Variants in ZNF831 observed in about 807,000 individuals in gnomAD.
ZNF831 encodes the protein chromosome 20 open reading frame 174.
Under a neutral mutation model 95.8 loss-of-function variants are expected in ZNF831, and 59 were observed. That is an observed-to-expected ratio of 0.62 (90% CI 0.50 to 0.77). The LOEUF is 0.77. Among genes scored for constraint, ZNF831 ranks in the 30% least tolerant of loss-of-function variants. The pLI, the probability that ZNF831 is intolerant of heterozygous loss-of-function variation, is 0.00. For missense variants in ZNF831, 2,205 were observed against 2,164.0 expected, an observed-to-expected ratio of 1.02 and a Z score of -0.38; for synonymous variants, 961 against 925.5, an observed-to-expected ratio of 1.04 and a Z score of -0.70.
At chr20:59,179,340 C>A (rs979136189) in intron 1 of ZNF831, among the ~76,000 whole-genome samples, 2 of 152,198 alleles carry the variant, frequency 1.3e-5, no homozygotes, top group Admixed American at 1.3e-4. Context: ...CCTCCGCACC[C>A]ATCCGCTTCT....
chr20:59,221,983 T>C (rs537575061), intron 4 of ZNF831, among the ~76,000 whole-genome samples: 34 of 152,330 alleles, frequency 2.2e-4, no homozygotes, highest in Middle Eastern at 3.4e-3. Flanking sequence ...TTATTTTTTT[T>C]CCCCTACCTA....
rs1461079548 is a variant in ZNF831 at position 59,192,805 on chromosome 20, A to T, written c.1786A>T (p.Met596Leu). The T allele has an allele frequency of 3.1e-6, 5 of 1,611,818 alleles. No homozygotes were observed. In the African/African-American group the frequency reaches 6.7e-5, roughly 22 times the overall value. Residue 596 changes from methionine to leucine, a missense_variant, in exon 2 of 6, where the codon ATG (methionine) becomes TTG (leucine). Transcript: ENST00000371030. The surrounding 1 kb of genome is among the most constrained non-coding windows in gnomAD (Gnocchi z 5.2). ...DAKRTAAREA[M>L]AGKGRAGGRK... ...AAAGAGAACTGCTGCGCGGGAGGCCATGGCCGGCAAGGGCAGAGCGGGCGG... is the reference window on the plus strand; with the variant it reads ...AAAGAGAACTGCTGCGCGGGAGGCCTTGGCCGGCAAGGGCAGAGCGGGCGG...
intron 1 of ZNF831, among the ~76,000 whole-genome samples, chr20:59,126,445 T>C (rs185088511): frequency 6.6e-6 from 1 of 152,366 alleles, no homozygotes; most frequent in Admixed American, 6.5e-5. Context: ...TCTGAGGCTC[T>C]GTTCCTTAAC....
rs1482660998 is a variant in ZNF831 at position 59,258,727 on chromosome 20, G to A, written c.*3984G>A. 1.3e-5 allele frequency: 2 copies of A among 152,072 alleles called. No homozygotes were observed. Among genetic ancestry groups the A allele is most frequent in the East Asian group, 3.9e-4 (2 of 5,188 alleles). 9.4% of individuals were successfully genotyped at this position (152,072 alleles called of 1,614,324 possible). ...TCTCAATATTTAAGCACAATTTATT[G>A]TCCTTATTTTTCAGAACCCATTAAA... On this transcript the variant is annotated 3_prime_UTR_variant, in exon 6 of 6. Transcript: ENST00000371030.
chr20:59,187,815 CT>C (rs1434491429), intron 1 of ZNF831, among the ~76,000 whole-genome samples: 1 of 152,210 alleles, frequency 6.6e-6, no homozygotes, highest in Non-Finnish European at 1.5e-5. Context: ...CATTCTCCCC[CT>C]CCTCTGGCAA....
chr20:59,237,566 C>G (rs1233996135), intron 4 of ZNF831, among the ~76,000 whole-genome samples: 1 of 152,116 alleles, frequency 6.6e-6, no homozygotes, highest in African/African-American at 2.4e-5. Context: ...AGGCTGGTCT[C>G]GAGCTCTTGA....
chr20:59,193,254 G>A lies in ZNF831; in HGVS notation c.2235G>A (p.Arg745=), dbSNP rs773889136. The A allele has an allele frequency of 6.8e-6, 11 of 1,606,364 alleles. No homozygotes were observed. In the South Asian group the frequency reaches 7.8e-5, roughly 11 times the overall value. The change falls in exon 2 of 6, where the codon AGG becomes AGA. Residue 745 remains arginine (R), a synonymous_variant. Coordinates refer to ENST00000371030, the MANE Select transcript of ZNF831 (RefSeq NM_178457.3). ...GAGACAGTCCCTGTTCAGGCAGTAG[G>A]AGCCCCCTGGTCTCTCCAAATGGGA... is the stretch of plus-strand genomic sequence containing the variant. The part of the protein sequence containing the change: ...GGRDSPCSGS[R]SPLVSPNGRL...
chr20:59,146,770 G>A (rs1979890751), intron 2 of ZNF831: 1 of 152,232 alleles, frequency 6.6e-6, no homozygotes, highest in Non-Finnish European at 1.5e-5. Flanking sequence ...GCTTTGGGAA[G>A]CCTGTTTCCC....
Position 59,124,796 on chromosome 20 carries a change from C to T in ZNF831, c.-1425+1291C>T, listed in dbSNP as rs1378163722. On this transcript the variant is annotated intron_variant, in intron 1 of 7. Coordinates refer to the ZNF831 transcript ENST00000637017. ...ATAAAATGGCTCTTATCGCAGTGGG[C>T]TTGGCAGCCCGCCACTCCTCATCTT... Among the ~76,000 whole-genome samples the T allele has an allele frequency of 9.2e-5, 14 of 152,340 alleles. No individual in the cohort carries two copies. The East Asian group carries it at 2.7e-3, about 29-fold the overall frequency.
intron 1 of ZNF831, among the ~76,000 whole-genome samples, chr20:59,124,787 C>T (rs925314377): frequency 1.3e-5 from 2 of 152,224 alleles, no homozygotes; most frequent in Admixed American, 6.5e-5. Context: ...TGGCTCTTAT[C>T]GCAGTGGGCT....
chr20:59,214,848 T>C (rs1384460723), intron 4 of ZNF831, among the ~76,000 whole-genome samples: 5 of 152,214 alleles, frequency 3.3e-5, no homozygotes, highest in Admixed American at 3.3e-4. Flanking sequence ...GTCATTGATT[T>C]TGTTTGTATT....
In ZNF831 at chr20:59,236,516, G is replaced by A. The variant is rs376834769; in HGVS notation, c.4028-16462G>A. Among the ~76,000 whole-genome samples the A allele has an allele frequency of 8.1e-4, 122 of 149,858 alleles. 3 individuals are homozygous for A. The South Asian group carries it at 0.024, about 30-fold the overall frequency. The stretch of plus-strand genomic sequence containing the variant: ...GTGTTGCCCACTCTGGAGTGCAGTG[G>A]TGCAGTCTATAGGCATGCACCACCA... On this transcript the variant is annotated intron_variant, in intron 4 of 5. Coordinates refer to ENST00000371030, the MANE Select transcript of ZNF831 (RefSeq NM_178457.3).
At chr20:59,213,916 T>C (rs754601726) in intron 4 of ZNF831, among the ~76,000 whole-genome samples, 1 of 152,148 alleles carries the variant, frequency 6.6e-6, no homozygotes, top group Non-Finnish European at 1.5e-5. Context: ...TGACGTCCTC[T>C]CTCTCCCACA....
At chr20:59,247,437 G>A (rs578047642) in intron 4 of ZNF831, among the ~76,000 whole-genome samples, 1 of 152,338 alleles carries the variant, frequency 6.6e-6, no homozygotes, top group South Asian at 2.1e-4. Context: ...GTTTAGCACA[G>A]TTCTTGGCAC....
chr20:59,215,774 A>AG (rs1336770769), intron 4 of ZNF831, among the ~76,000 whole-genome samples: 1 of 152,224 alleles, frequency 6.6e-6, no homozygotes, highest in East Asian at 1.9e-4. Flanking sequence ...TTACAAAAAA[A>AG]CTTAAGTCCA....
At chr20:59,227,688 T>C (rs1986504890) in intron 4 of ZNF831, among the ~76,000 whole-genome samples, 1 of 152,234 alleles carries the variant, frequency 6.6e-6, no homozygotes, top group South Asian at 2.1e-4. Flanking sequence ...TTGGTTTCCA[T>C]TGTCTTATAT....
intron 3 of ZNF831, among the ~76,000 whole-genome samples, chr20:59,200,219 T>C (rs57221760): frequency 6.6e-6 from 1 of 152,210 alleles, no homozygotes; most frequent in Non-Finnish European, 1.5e-5. Flanking sequence ...CACAGGGCTA[T>C]TTTGATTTGT....
chr20:59,143,529 G>T (rs1189060778), intron 1 of ZNF831, among the ~76,000 whole-genome samples: 1 of 152,186 alleles, frequency 6.6e-6, no homozygotes, highest in Non-Finnish European at 1.5e-5. Flanking sequence ...CTCCAGCCAT[G>T]GCAGGCCTGG....
In ZNF831 at chr20:59,139,442, G is replaced by C. The variant is rs1979608031; in HGVS notation, c.-1424-6789G>C. ...CCAGCCCCCCTAAAGTTTTTAACAT[G>C]ATTGCTTTTCTGAAATCAGGATGGC... On this transcript the variant is annotated intron_variant, in intron 1 of 7. Coordinates refer to the ZNF831 transcript ENST00000637017. Among the ~76,000 whole-genome samples, 3 of 152,034 alleles carry C rather than the reference G, an allele frequency of 2.0e-5. No individual in the cohort carries two copies. In the South Asian group the frequency reaches 6.2e-4, roughly 32 times the overall value.
Sources: gnomAD v4.1 joint callset for allele counts (sites outside exome capture counted in the v4.1 genomes callset) on GRCh38, gnomAD v4.1.1 for gene constraint, Gnocchi (gnomAD v3.1) non-coding constraint, MANE v1.5 for transcripts, NCBI Gene and HGNC (gene_info 2026-07-23, HGNC 2026-07-21) for gene names.